Variants in COL21A1 observed in about 807,000 individuals in gnomAD.
COL21A1 encodes collagen type XXI alpha 1 chain.
Under a neutral mutation model 137.9 loss-of-function variants are expected in COL21A1, and 149 were observed. The ratio of observed to expected loss-of-function variants is 1.08; its 90% confidence interval spans 0.95 to 1.24. The LOEUF (loss-of-function observed/expected upper bound fraction) is 1.24, where lower values mean the gene tolerates loss of function less well. Among genes scored for constraint, COL21A1 ranks in the 50% most tolerant of loss-of-function variants. COL21A1 has a pLI of 0.00. For missense variants in COL21A1, 1,167 were observed against 1,158.4 expected, an observed-to-expected ratio of 1.01 and a Z score of -0.11; for synonymous variants, 456 against 391.5, an observed-to-expected ratio of 1.16 and a Z score of -1.95.
intron 1 of COL21A1, among the ~76,000 whole-genome samples, chr6:56,268,800 C>T (rs1482553055): frequency 6.6e-6 from 1 of 152,160 alleles, no homozygotes; most frequent in Non-Finnish European, 1.5e-5. Flanking sequence ...ATATGATAGA[C>T]ATAGAATTCA....
At chr6:56,197,860 C>T (rs770261427) in intron 1 of COL21A1, among the ~76,000 whole-genome samples, 1 of 152,002 alleles carries the variant, frequency 6.6e-6, no homozygotes, top group Non-Finnish European at 1.5e-5. Context: ...GGAGATGTTT[C>T]CAAAGGAAAT....
intron 1 of COL21A1, among the ~76,000 whole-genome samples, chr6:56,320,340 C>G (rs1238689519): frequency 6.6e-6 from 1 of 152,072 alleles, no homozygotes; most frequent in Non-Finnish European, 1.5e-5. Flanking sequence ...TGTGAAGCCT[C>G]CTCAGAGCCC....
intron 1 of COL21A1, among the ~76,000 whole-genome samples, chr6:56,203,884 C>T (rs538158534): frequency 1.3e-5 from 2 of 152,270 alleles, no homozygotes; most frequent in African/African-American, 4.8e-5. Context: ...CTCCCTCCCC[C>T]AGCCAAGGGA....
chr6:56,095,063 T>C (rs1769195791), intron 17 of COL21A1, among the ~76,000 whole-genome samples: 1 of 152,188 alleles, frequency 6.6e-6, no homozygotes, highest in Non-Finnish European at 1.5e-5. Flanking sequence ...TTACAGAAAT[T>C]CATCTAAAAT....
rs1031500453 is a variant in COL21A1 at position 56,194,457 on chromosome 6, A to G, written c.-38-11801T>C. Among the ~76,000 whole-genome samples the G allele has an allele frequency of 2.6e-5, 4 of 152,310 alleles. No individual in the cohort carries two copies. In the East Asian group the frequency reaches 5.8e-4, roughly 22 times the overall value. On this transcript the variant is annotated intron_variant, in intron 1 of 29. Transcript: ENST00000244728. ...GCCCTAACCCTAATCCAGTAGCTTC[A>G]GATTGTAGGGGAAGAGACCAATTAT...
chr6:56,156,878 A>C lies in COL21A1; in HGVS notation c.1434+9T>G. 1.2e-6 allele frequency: 2 copies of C among 1,607,792 alleles called. No homozygotes were observed. The highest frequency in any genetic ancestry group is 1.7e-6 in the Non-Finnish European group (2 of 1,175,900). The stretch of plus-strand genomic sequence containing the variant: ...ATATACCGGAGATGACTAAGCTTTC[A>C]GTACTCACAGGCTTACCATCTTGAC... On this transcript the variant is annotated intron_variant, in intron 10 of 29. Transcript: ENST00000244728.
intron 18 of COL21A1, 112 bp downstream of exon 18, chr6:56,077,417 T>C (rs534727507): frequency 1.1e-5 from 8 of 728,282 alleles, no homozygotes; most frequent in Non-Finnish European, 1.8e-5. Context: ...TAAAATTATA[T>C]AATATTTGAA....
Position 56,078,742 on chromosome 6 carries a change from A to G in COL21A1, c.1813-1169T>C, listed in dbSNP as rs543066789. Among the ~76,000 whole-genome samples the G allele has an allele frequency of 3.3e-5, 5 of 151,816 alleles. No individual in the cohort carries two copies. The East Asian group carries it at 9.7e-4, about 29-fold the overall frequency. On this transcript the variant is annotated intron_variant, in intron 17 of 29. Coordinates refer to ENST00000244728, the MANE Select transcript of COL21A1 (RefSeq NM_030820.4). ...AAATCATACATTGGAATTCAGTTTG[A>G]TTCTATTCAGCTCAATTCAGTTTGC...
At chr6:56,140,266 C>T (rs998258831) in intron 12 of COL21A1, among the ~76,000 whole-genome samples, 1 of 152,120 alleles carries the variant, frequency 6.6e-6, no homozygotes, top group Admixed American at 6.5e-5. Context: ...CAACTGAAGA[C>T]TATTTGCTGA....
intron 2 of COL21A1, among the ~76,000 whole-genome samples, chr6:56,181,004 C>G (rs1390084310): frequency 2.6e-5 from 4 of 152,186 alleles, no homozygotes; most frequent in Non-Finnish European, 1.5e-5. Context: ...TTTCAGATCC[C>G]TGATTGCCTG....
chr6:56,325,940 T>TATTTACATGA (rs1249825826), intron 1 of COL21A1, among the ~76,000 whole-genome samples: 1 of 12,618 alleles, frequency 7.9e-5, no homozygotes, highest in East Asian at 9.3e-4. Context: ...ATAATATATA[T>TATTTACATGA]TATATATTAT....
At chr6:56,133,268 G>A (rs529290717) in intron 12 of COL21A1, among the ~76,000 whole-genome samples, 1 of 152,292 alleles carries the variant, frequency 6.6e-6, no homozygotes, top group South Asian at 2.1e-4. Context: ...TGAGAAACTT[G>A]TTGGGAACTG....
At chr6:56,243,207 T>A (rs1040300566) in intron 1 of COL21A1, among the ~76,000 whole-genome samples, 4 of 152,170 alleles carry the variant, frequency 2.6e-5, no homozygotes, top group African/African-American at 9.6e-5. Flanking sequence ...ATTACTTTAC[T>A]CTTTTCACAA....
intron 1 of COL21A1, among the ~76,000 whole-genome samples, chr6:56,326,992 G>T (rs943450741): frequency 1.3e-5 from 2 of 151,996 alleles, no homozygotes; most frequent in East Asian, 3.9e-4. Flanking sequence ...TTTAGGAAAT[G>T]ACTTATAGAG....
chr6:56,071,885 G>A (rs896642604), intron 20 of COL21A1, among the ~76,000 whole-genome samples: 1 of 151,388 alleles, frequency 6.6e-6, no homozygotes, highest in African/African-American at 2.4e-5. Context: ...CATGTGCCAC[G>A]GTGGTTTGCT....
At chr6:56,138,408 A>T (rs1168711354) in intron 12 of COL21A1, among the ~76,000 whole-genome samples, 1 of 151,904 alleles carries the variant, frequency 6.6e-6, no homozygotes, top group Admixed American at 6.6e-5. Flanking sequence ...GAAGGGGAAG[A>T]GGACAGGGCT....
At chr6:56,197,097 T>C (rs987657904) in intron 1 of COL21A1, among the ~76,000 whole-genome samples, 1 of 151,884 alleles carries the variant, frequency 6.6e-6, no homozygotes, top group Non-Finnish European at 1.5e-5. Context: ...GTTAACTAAT[T>C]TTCCACAAAA....
At chr6:56,345,195 T>C (rs2152345879) in intron 1 of COL21A1, among the ~76,000 whole-genome samples, 1 of 152,174 alleles carries the variant, frequency 6.6e-6, no homozygotes, top group East Asian at 1.9e-4. Flanking sequence ...CACGGATTAC[T>C]TCTGGGTGGG....
At chr6:56,264,655 A>G (rs1487494154) in intron 1 of COL21A1, among the ~76,000 whole-genome samples, 3 of 152,204 alleles carry the variant, frequency 2.0e-5, no homozygotes, top group African/African-American at 7.2e-5. Flanking sequence ...CAAGCCACCT[A>G]TAATTCAACA....
Sources: allele counts gnomAD v4.1 joint callset (sites outside exome capture counted in the v4.1 genomes callset), GRCh38; gene constraint gnomAD v4.1.1; transcripts MANE v1.5; gene names NCBI Gene and HGNC (gene_info 2026-07-23, HGNC 2026-07-21).